QRFPR: variants seen among roughly 807,000 people sequenced by gnomAD.
The protein encoded by QRFPR is pyroglutamylated RF-amide peptide receptor.
QRFPR carries 37 observed loss-of-function variants against 31.3 expected under a neutral mutation model. The observed-to-expected ratio is 1.18, with a 90% CI of 0.91 to 1.56. QRFPR has a LOEUF of 1.56. QRFPR is among the 40% of genes most tolerant of loss of function. The probability of loss-of-function intolerance (pLI) is 0.00; values close to 1 mark genes in which losing one functional copy is unlikely to be tolerated. For synonymous variants in QRFPR, 197 were observed against 192.0 expected, an observed-to-expected ratio of 1.03 and a Z score of -0.22; for missense variants, 542 against 532.5, an observed-to-expected ratio of 1.02 and a Z score of -0.18.
Position 121,362,424 on chromosome 4 carries a change from G to A in QRFPR, c.340+17884C>T, listed in dbSNP as rs773550636. Among the ~76,000 whole-genome samples, 44 of 149,958 alleles carry A rather than the reference G, an allele frequency of 2.9e-4. 5 individuals carry two copies. The highest frequency in any genetic ancestry group is 5.3e-4 in the Admixed American group (8 of 15,056). On this transcript the variant is annotated intron_variant, in intron 1 of 5. Transcript: ENST00000394427. ...TAAAGTCTTTCTTTGGCATGTTGAC[G>A]TAAGAAAGGCAAAATCCCAGCAAGT...
chr4:121,328,818 T>G lies in QRFPR; in HGVS notation c.*496A>C, dbSNP rs6821123. ...TCGCCCAGGCTGGAGTGCAGTGGCA[T>G]GATCTCGGATCACTGCAAGCTCCGC... On this transcript the variant is annotated 3_prime_UTR_variant, in exon 6 of 6. Transcript: ENST00000394427. Among the ~76,000 whole-genome samples the G allele has an allele frequency of 2.6e-5, 4 of 151,996 alleles. No individual in the cohort carries two copies. The highest frequency in any genetic ancestry group is 1.3e-4 in the Admixed American group (2 of 15,276).
At chr4:121,365,509 A>AT (rs1726078547) in intron 1 of QRFPR, among the ~76,000 whole-genome samples, 3 of 3,108 alleles carry the variant, frequency 9.7e-4, no homozygotes, top group Non-Finnish European at 1.3e-3. Context: ...TAATATATAT[A>AT]ATATATATTA....
chr4:121,357,424 A>C (rs1451032431), intron 1 of QRFPR, among the ~76,000 whole-genome samples: 5 of 152,154 alleles, frequency 3.3e-5, no homozygotes, highest in African/African-American at 1.2e-4. Flanking sequence ...GTAAAATAAA[A>C]AAAAATTTAA....
In QRFPR at chr4:121,328,860, A is replaced by G. The variant is rs573240719; in HGVS notation, c.*454T>C. On this transcript the variant is annotated 3_prime_UTR_variant, in exon 6 of 6. Coordinates refer to ENST00000394427, the MANE Select transcript of QRFPR (RefSeq NM_198179.3). ...AAGCTCCGCCTCCCGGGTTCACACC[A>G]TTCTCCCGCCTGAGGCTCCCAAGTA... 1.7e-4 allele frequency among the ~76,000 whole-genome samples: 26 copies of G among 152,242 alleles called. No homozygotes were observed. Among genetic ancestry groups the G allele is most frequent in the African/African-American group, 5.8e-4 (24 of 41,538 alleles).
intron 1 of QRFPR, among the ~76,000 whole-genome samples, chr4:121,378,351 C>T (rs961734916): frequency 6.6e-6 from 1 of 150,980 alleles, no homozygotes; most frequent in Non-Finnish European, 1.5e-5. Context: ...ACCATATGGC[C>T]TTTCTTGGCC....
intron 1 of QRFPR, among the ~76,000 whole-genome samples, chr4:121,369,262 C>T (rs1395892928): frequency 6.6e-6 from 1 of 152,186 alleles, no homozygotes; most frequent in African/African-American, 2.4e-5. Context: ...CTCCTGACCT[C>T]AGGTGATCCA....
At chr4:121,341,342 T>C (rs142336703) in intron 1 of QRFPR, among the ~76,000 whole-genome samples, 61 of 152,330 alleles carry the variant, frequency 4.0e-4, no homozygotes, top group African/African-American at 1.4e-3. Context: ...AAATTCATCA[T>C]TCCCAGCTAC....
chr4:121,333,101 C>CA (rs766292815), intron 3 of QRFPR, 45 bp from the exon 4 acceptor site: 1 of 1,334,128 alleles, frequency 7.5e-7, no homozygotes, highest in Non-Finnish European at 1.1e-6. Flanking sequence ...TAGTCAGCAT[C>CA]AAAAAACAGA....
intron 1 of QRFPR, among the ~76,000 whole-genome samples, chr4:121,353,369 G>A (rs980283847): frequency 6.6e-6 from 1 of 151,908 alleles, no homozygotes; most frequent in Non-Finnish European, 1.5e-5. Context: ...CCCCATCCTG[G>A]CCAGCATTTA....
intron 1 of QRFPR, among the ~76,000 whole-genome samples, chr4:121,360,688 T>G (rs557747396): frequency 6.6e-6 from 1 of 152,338 alleles, no homozygotes; most frequent in Admixed American, 6.5e-5. Flanking sequence ...GACTCATTCA[T>G]GGGTTGCAAC....
intron 1 of QRFPR, among the ~76,000 whole-genome samples, chr4:121,373,669 A>G (rs1176553582): frequency 6.6e-6 from 1 of 152,232 alleles, no homozygotes; most frequent in Non-Finnish European, 1.5e-5. Flanking sequence ...GATGTTTTCT[A>G]GTCACTGATT....
intron 1 of QRFPR, among the ~76,000 whole-genome samples, chr4:121,379,163 T>G (rs372963435): frequency 1.3e-5 from 2 of 152,220 alleles, no homozygotes; most frequent in South Asian, 4.1e-4. Context: ...ACTCAATGTT[T>G]AATGCTTTTT....
chr4:121,363,025 G>T (rs1726021123), intron 1 of QRFPR, among the ~76,000 whole-genome samples: 1 of 150,236 alleles, frequency 6.7e-6, no homozygotes. Context: ...ATCCTCCAGA[G>T]ATTTCTTAAA....
At chr4:121,339,530 C>G (rs1725499158) in intron 2 of QRFPR, among the ~76,000 whole-genome samples, 1 of 152,174 alleles carries the variant, frequency 6.6e-6, no homozygotes, top group Non-Finnish European at 1.5e-5. Context: ...CCCCAGCACT[C>G]AGAACCCACT....
intron 3 of QRFPR, among the ~76,000 whole-genome samples, chr4:121,335,958 A>T (rs188937412): frequency 5.1e-4 from 78 of 152,252 alleles, no homozygotes; most frequent in Non-Finnish European, 2.4e-4. Context: ...TCACCTATGG[A>T]GTCCAGCTCA....
intron 1 of QRFPR, among the ~76,000 whole-genome samples, chr4:121,350,161 AATG>A (rs1172960293): frequency 6.6e-6 from 1 of 152,200 alleles, no homozygotes; most frequent in African/African-American, 2.4e-5. Flanking sequence ...GGGACTTGTA[AATG>A]ATGAATGGAT....
intron 1 of QRFPR, among the ~76,000 whole-genome samples, chr4:121,377,958 C>T (rs1400044375): frequency 6.6e-6 from 1 of 152,100 alleles, no homozygotes; most frequent in Non-Finnish European, 1.5e-5. Context: ...CAAGTTAATT[C>T]TATTTTCATA....
intron 1 of QRFPR, among the ~76,000 whole-genome samples, chr4:121,341,482 A>G (rs1725542010): frequency 6.6e-6 from 1 of 152,220 alleles, no homozygotes; most frequent in African/African-American, 2.4e-5. Context: ...CTCTGCTTAA[A>G]TACAGGTTGA....
In QRFPR at chr4:121,329,243, A is replaced by G. The variant is rs528866452; in HGVS notation, c.*71T>C. 8.6e-7 allele frequency: 1 copy of G among 1,162,104 alleles called. No homozygotes were observed. The highest frequency in any genetic ancestry group is 1.5e-5 in the African/African-American group (1 of 64,770). 72.0% of individuals were successfully genotyped at this position (1,162,104 alleles called of 1,614,324 possible). Reference sequence around the variant, plus strand: ...ATCTTAAGAATAAAAAGAGTATTTGACCTTTGCTCAAAATAATTTTCTCTT... The same window carrying G: ...ATCTTAAGAATAAAAAGAGTATTTGGCCTTTGCTCAAAATAATTTTCTCTT... On this transcript the variant is annotated 3_prime_UTR_variant, in exon 6 of 6. Transcript: ENST00000394427.
Sources: allele counts gnomAD v4.1 joint callset (sites outside exome capture counted in the v4.1 genomes callset), GRCh38; gene constraint gnomAD v4.1.1; transcripts MANE v1.5; gene names NCBI Gene and HGNC (gene_info 2026-07-23, HGNC 2026-07-21).